PHF24: variants seen among roughly 807,000 people sequenced by gnomAD.
PHF24 encodes PHD finger protein 24.
Under a neutral mutation model 42.6 loss-of-function variants are expected in PHF24, and 25 were observed. That is an observed-to-expected ratio of 0.59 (90% CI 0.43 to 0.82). The LOEUF is 0.82. PHF24 is among the 40% of genes least tolerant of loss of function. PHF24 has a pLI of 0.00. For missense variants in PHF24, 470 were observed against 538.1 expected, an observed-to-expected ratio of 0.87 and a Z score of 1.25; for synonymous variants, 185 against 204.8, an observed-to-expected ratio of 0.90 and a Z score of 0.83.
At chr9:34,971,529 A>G in exon 2 of PHF24, 1 of 1,614,180 alleles carries the variant, frequency 6.2e-7, no homozygotes, top group South Asian at 1.1e-5. Context: ...CCGGCCGCGC[A>G]GCCTGGGAGC....
the PHF24 span, among the ~76,000 whole-genome samples, chr9:34,699,185 GC>G: frequency 6.6e-6 from 1 of 152,244 alleles, no homozygotes; most frequent in African/African-American, 2.4e-5. Flanking sequence ...TGGCCAGATG[GC>G]TTGGACTCCT....
the PHF24 span, among the ~76,000 whole-genome samples, chr9:34,678,735 A>C: frequency 6.6e-6 from 1 of 151,946 alleles, no homozygotes; most frequent in Admixed American, 6.5e-5. Flanking sequence ...GGTTCAGGCA[A>C]TTCTTCCACC....
the PHF24 span, chr9:34,838,560 A>C: frequency 9.5e-7 from 1 of 1,051,306 alleles, no homozygotes; most frequent in African/African-American, 1.6e-5. Context: ...CTGGTGCCTA[A>C]TGACTCCCAG....
chr9:34,963,258 G>GTTT (rs55701555), intron 1 of PHF24, among the ~76,000 whole-genome samples: 38 of 117,104 alleles, frequency 3.2e-4, no homozygotes, highest in Non-Finnish European at 4.6e-4. Context: ...CTTTTTGATG[G>GTTT]TTTTTTTTTT....
chr9:34,900,740 C>A, the PHF24 span, among the ~76,000 whole-genome samples: 1 of 152,010 alleles, frequency 6.6e-6, no homozygotes, highest in African/African-American at 2.4e-5. Flanking sequence ...GGAGGTGGGG[C>A]CTTTTGGGAG....
At chr9:34,747,053 G>A in the PHF24 span, among the ~76,000 whole-genome samples, 1 of 152,304 alleles carries the variant, frequency 6.6e-6, no homozygotes, top group East Asian at 1.9e-4. Flanking sequence ...ATAAAGGTAA[G>A]TACAGAAGGG....
chr9:34,972,325 C>T, intron 2 of PHF24, 21 bp from the exon 3 acceptor site: 1 of 1,586,040 alleles, frequency 6.3e-7, no homozygotes, highest in Non-Finnish European at 8.6e-7. Flanking sequence ...ATCCCTGTTT[C>T]CTCCTGCCAT....
chr9:34,880,690 C>T, the PHF24 span, among the ~76,000 whole-genome samples: 22 of 152,132 alleles, frequency 1.4e-4, no homozygotes, highest in Non-Finnish European at 2.4e-4. Context: ...AATACAGGAG[C>T]ACCCAGATTC....
the PHF24 span, among the ~76,000 whole-genome samples, chr9:34,900,297 G>C: frequency 6.6e-6 from 1 of 152,138 alleles, no homozygotes; most frequent in East Asian, 1.9e-4. Flanking sequence ...GACATTTAAA[G>C]GACAATCAAT....
At chr9:34,739,454 G>A in the PHF24 span, among the ~76,000 whole-genome samples, 1 of 152,200 alleles carries the variant, frequency 6.6e-6, no homozygotes, top group African/African-American at 2.4e-5. Flanking sequence ...CATATGAAAG[G>A]ATAGTCACTG....
At chr9:34,739,273 T>C in the PHF24 span, among the ~76,000 whole-genome samples, 2 of 152,238 alleles carry the variant, frequency 1.3e-5, no homozygotes, top group East Asian at 1.9e-4. Flanking sequence ...TTAGGAGAGG[T>C]ATAGGAAAGA....
chr9:34,853,962 A>G, the PHF24 span, among the ~76,000 whole-genome samples: 1 of 151,262 alleles, frequency 6.6e-6, no homozygotes, highest in Non-Finnish European at 1.5e-5. Context: ...AGAACTTGTT[A>G]TTGGTCTTTT....
At chr9:34,849,071 T>C in the PHF24 span, among the ~76,000 whole-genome samples, 1 of 152,230 alleles carries the variant, frequency 6.6e-6, no homozygotes, top group South Asian at 2.1e-4. Context: ...AAAAATTGTA[T>C]ATTCTGTTGA....
chr9:34,885,395 A>T, the PHF24 span, among the ~76,000 whole-genome samples: 2 of 152,194 alleles, frequency 1.3e-5, no homozygotes, highest in African/African-American at 4.8e-5. Flanking sequence ...TGATGATGGG[A>T]TGATGGATAA....
the PHF24 span, among the ~76,000 whole-genome samples, chr9:34,749,560 C>T: frequency 1.4e-3 from 198 of 138,794 alleles, no homozygotes; most frequent in African/African-American, 4.6e-3. Flanking sequence ...CAGTGAGACC[C>T]TGTCTCAATT....
chr9:34,709,477 C>T, the PHF24 span: 1 of 1,613,862 alleles, frequency 6.2e-7, no homozygotes, highest in South Asian at 1.1e-5. Flanking sequence ...CTCCCCTTTA[C>T]CCACATCCCT....
At chr9:34,894,511 C>T in the PHF24 span, 3 of 398,558 alleles carry the variant, frequency 7.5e-6, no homozygotes, top group South Asian at 3.8e-4. Flanking sequence ...GCTGAAGAAA[C>T]AGAAGATAGT....
chr9:34,883,325 C>T, the PHF24 span, among the ~76,000 whole-genome samples: 1 of 152,190 alleles, frequency 6.6e-6, no homozygotes, highest in Non-Finnish European at 1.5e-5. Context: ...ATGACTAAAA[C>T]ACCAAAAGCA....
At chr9:34,948,859 A>C in the PHF24 span, among the ~76,000 whole-genome samples, 1 of 152,246 alleles carries the variant, frequency 6.6e-6, no homozygotes, top group Non-Finnish European at 1.5e-5. Context: ...GAGAAAATAC[A>C]TAGCATGGCA....
Sources: gnomAD v4.1 joint callset for allele counts (sites outside exome capture counted in the v4.1 genomes callset) on GRCh38, gnomAD v4.1.1 for gene constraint, MANE v1.5 for transcripts, NCBI Gene and HGNC (gene_info 2026-07-23, HGNC 2026-07-21) for gene names.